PTPRD: variants seen among roughly 807,000 people sequenced by gnomAD.
PTPRD encodes protein tyrosine phosphatase receptor type D, also known as receptor-type tyrosine-protein phosphatase delta.
PTPRD carries 34 observed loss-of-function variants against 214.5 expected under a neutral mutation model. That is an observed-to-expected ratio of 0.16 (90% CI 0.12 to 0.21). PTPRD has a LOEUF of 0.21. Ranked by LOEUF, PTPRD falls within the 10% of genes least tolerant of loss-of-function variation. PTPRD has a pLI of 1.00. For synonymous variants in PTPRD, 1,128 were observed against 845.7 expected (o/e 1.33, Z -5.79); for missense variants, 2,545 against 2,398.7 (o/e 1.06, Z -1.27).
chr9:9,557,798 T>C (rs1271648117), intron 8 of PTPRD, among the ~76,000 whole-genome samples: 1 of 152,154 alleles, frequency 6.6e-6, no homozygotes, highest in Non-Finnish European at 1.5e-5. Flanking sequence ...GGTCCTGGAG[T>C]CCTGGTCCAG....
chr9:10,082,844 C>CACAA (rs1567567212), intron 3 of PTPRD, among the ~76,000 whole-genome samples: 3 of 144,492 alleles, frequency 2.1e-5, no homozygotes, highest in Admixed American at 1.4e-4. Flanking sequence ...CACACAAACA[C>CACAA]ACACACACAC....
intron 11 of PTPRD, among the ~76,000 whole-genome samples, chr9:8,915,219 G>A (rs999478167): frequency 2.6e-5 from 4 of 152,184 alleles, no homozygotes; most frequent in East Asian, 1.9e-4. Flanking sequence ...TGTGTGTGAC[G>A]AGGAGGCATC....
intron 3 of PTPRD, among the ~76,000 whole-genome samples, chr9:10,120,971 A>C (rs2098770199): frequency 6.6e-6 from 1 of 152,156 alleles, no homozygotes; most frequent in Non-Finnish European, 1.5e-5. Flanking sequence ...CCAGCAGTAA[A>C]AATTTATTTA....
intron 34 of PTPRD, among the ~76,000 whole-genome samples, chr9:8,444,263 C>G (rs1365425024): frequency 6.6e-6 from 1 of 152,108 alleles, no homozygotes; most frequent in Non-Finnish European, 1.5e-5. Context: ...TGACTACCAT[C>G]ATTGTCATTA....
chr9:8,460,876 C>T (rs926850064), intron 32 of PTPRD, among the ~76,000 whole-genome samples: 3 of 151,948 alleles, frequency 2.0e-5, no homozygotes, highest in Admixed American at 1.3e-4. Flanking sequence ...TCCTATGAAG[C>T]GTAAAGTACC....
At chr9:9,947,401 T>C (rs1341998088) in intron 4 of PTPRD, among the ~76,000 whole-genome samples, 2 of 50,168 alleles carry the variant, frequency 4.0e-5, no homozygotes, top group African/African-American at 9.7e-5. Context: ...ACATATTATA[T>C]ATAATATATA....
chr9:10,208,960 A>C (rs758628458), intron 3 of PTPRD, among the ~76,000 whole-genome samples: 1 of 152,194 alleles, frequency 6.6e-6, no homozygotes, highest in Non-Finnish European at 1.5e-5. Flanking sequence ...TGACAAAACA[A>C]AATGATATAA....
intron 8 of PTPRD, among the ~76,000 whole-genome samples, chr9:9,417,115 C>T (rs994410150): frequency 4.6e-5 from 7 of 152,050 alleles, no homozygotes; most frequent in African/African-American, 7.2e-5. Context: ...CATTCTTTGG[C>T]GGACACATAA....
intron 2 of PTPRD, among the ~76,000 whole-genome samples, chr9:10,449,040 A>T (rs1052796852): frequency 6.6e-6 from 1 of 151,386 alleles, no homozygotes; most frequent in Non-Finnish European, 1.5e-5. Flanking sequence ...ATAAAAAAAG[A>T]TTCTCTCCCT....
At chr9:8,902,162 A>G (rs2098674450) in intron 11 of PTPRD, among the ~76,000 whole-genome samples, 1 of 152,024 alleles carries the variant, frequency 6.6e-6, no homozygotes, top group Admixed American at 6.6e-5. Flanking sequence ...CTTCCACCAG[A>G]GTTTCTAGGT....
intron 10 of PTPRD, among the ~76,000 whole-genome samples, chr9:9,023,060 T>C (rs1442796290): frequency 6.6e-6 from 1 of 152,122 alleles, no homozygotes; most frequent in Non-Finnish European, 1.5e-5. Flanking sequence ...AGATTTTTGT[T>C]TCTTCTTTTG....
chr9:9,205,924 A>G (rs1364000654), intron 9 of PTPRD, among the ~76,000 whole-genome samples: 1 of 152,190 alleles, frequency 6.6e-6, no homozygotes, highest in African/African-American at 2.4e-5. Context: ...AGTGACTTGA[A>G]GGGGAGAGCA....
intron 3 of PTPRD, among the ~76,000 whole-genome samples, chr9:10,202,587 A>G (rs1394451736): frequency 6.7e-6 from 1 of 150,044 alleles, no homozygotes; most frequent in Non-Finnish European, 1.5e-5. Context: ...TGATTTAAAT[A>G]GTCATTTAGG....
At chr9:9,537,355 A>G (rs1435240287) in intron 8 of PTPRD, among the ~76,000 whole-genome samples, 4 of 151,992 alleles carry the variant, frequency 2.6e-5, no homozygotes, top group South Asian at 2.1e-4. Flanking sequence ...TCCAGTTGCT[A>G]TAATTTTAAA....
intron 3 of PTPRD, among the ~76,000 whole-genome samples, chr9:10,111,525 A>G (rs903260677): frequency 2.6e-5 from 4 of 152,040 alleles, no homozygotes; most frequent in Admixed American, 6.6e-5. Flanking sequence ...GGCGTGAGCC[A>G]CCGCGCCCGG....
chr9:8,505,639 AAAAAAAG>A (rs1254198026), intron 22 of PTPRD, among the ~76,000 whole-genome samples: 37 of 150,438 alleles, frequency 2.5e-4, no homozygotes, highest in Non-Finnish European at 4.0e-4. Context: ...AAAAAAAAAA[AAAAAAAG>A]AAGAAGAAGA....
chr9:9,195,055 CG>C (rs1326494003), intron 9 of PTPRD, among the ~76,000 whole-genome samples: 1 of 133,556 alleles, frequency 7.5e-6, no homozygotes, highest in African/African-American at 2.7e-5. Flanking sequence ...CATATTTATA[CG>C]AATACATATA....
chr9:10,003,279 T>C (rs530204592), intron 4 of PTPRD, among the ~76,000 whole-genome samples: 20 of 151,812 alleles, frequency 1.3e-4, no homozygotes, highest in African/African-American at 4.8e-4. Flanking sequence ...GGAAGTGAGA[T>C]AAAGGTTAGA....
chr9:9,795,489 G>T (rs1178720155), intron 5 of PTPRD, among the ~76,000 whole-genome samples: 1 of 152,064 alleles, frequency 6.6e-6, no homozygotes, highest in African/African-American at 2.4e-5. Context: ...CAAGTCTGAG[G>T]AAAATTCGTA....
Sources: allele counts gnomAD v4.1 joint callset (sites outside exome capture counted in the v4.1 genomes callset), GRCh38; gene constraint gnomAD v4.1.1; transcripts MANE v1.5; gene names NCBI Gene and HGNC (gene_info 2026-07-23, HGNC 2026-07-21).